Variants in RPS6KA1 observed in about 807,000 individuals in gnomAD.
RPS6KA1 encodes the protein ribosomal protein S6 kinase alpha-1.
RPS6KA1 carries 48 observed loss-of-function variants against 91.3 expected under a neutral mutation model. The ratio of observed to expected loss-of-function variants is 0.53; its 90% confidence interval spans 0.42 to 0.67. The LOEUF (loss-of-function observed/expected upper bound fraction) is 0.67, where lower values mean the gene tolerates loss of function less well. Ranked by LOEUF, RPS6KA1 falls within the 30% of genes least tolerant of loss-of-function variation. RPS6KA1 has a pLI of 0.00. For synonymous variants in RPS6KA1, 359 were observed against 384.7 expected, an observed-to-expected ratio of 0.93 and a Z score of 0.78; for missense variants, 719 against 960.5, an observed-to-expected ratio of 0.75 and a Z score of 3.32.
chr1:26,557,556 G>A (rs563000125), intron 13 of RPS6KA1, among the ~76,000 whole-genome samples: 12 of 152,212 alleles, frequency 7.9e-5, no homozygotes, highest in East Asian at 5.8e-4. Flanking sequence ...CCCGGCCTCC[G>A]TGTACTTATC....
Position 26,551,171 on chromosome 1 carries a change from C to G in RPS6KA1, c.308-226C>G, listed in dbSNP as rs2076046222. Among the ~76,000 whole-genome samples, 3 of 152,082 alleles carry G rather than the reference C, an allele frequency of 2.0e-5. No individual in the cohort carries two copies. Among genetic ancestry groups the G allele is most frequent in the Admixed American group, 2.0e-4 (3 of 15,260 alleles). The stretch of plus-strand genomic sequence containing the variant: ...GATGGGCAGGGTGCCAAGGCCCCAG[C>G]TGTGGGCACTGCTGTGAGGGGTGGG... On this transcript the variant is annotated intron_variant, in intron 4 of 21. Coordinates refer to ENST00000374168, the MANE Select transcript of RPS6KA1 (RefSeq NM_002953.4). This position sits in a 1 kb window ranked among gnomAD's most constrained non-coding sequence, Gnocchi z 4.5.
In RPS6KA1 at chr1:26,547,922, CA is replaced by C. The variant is rs2076009925; in HGVS notation, c.307+653del. On this transcript the variant is annotated intron_variant, in intron 4 of 21. Coordinates refer to ENST00000374168, the MANE Select transcript of RPS6KA1 (RefSeq NM_002953.4). The surrounding 1 kb of genome is among the most constrained non-coding windows in gnomAD (Gnocchi z 4.1). ...CGGTGGCTCACACCTGTAATCCCAGCACTTTGGGAGGCTGAGGTGGGCGGGT... is the reference window on the plus strand; with the variant it reads ...CGGTGGCTCACACCTGTAATCCCAGCCTTTGGGAGGCTGAGGTGGGCGGGT... Among the ~76,000 whole-genome samples, 1 of 152,174 alleles carries C rather than the reference CA, an allele frequency of 6.6e-6. No individual in the cohort carries two copies. Among genetic ancestry groups the C allele is most frequent in the African/African-American group, 2.4e-5 (1 of 41,440 alleles).
intron 2 of RPS6KA1, among the ~76,000 whole-genome samples, chr1:26,537,812 T>C (rs57255816): frequency 0.049 from 7,394 of 152,278 alleles, 601 homozygotes; most frequent in African/African-American, 0.17. Flanking sequence ...TTCTCCCTTC[T>C]GAGTCTCAGT....
At chr1:26,553,533 A>C (rs775490188) in intron 7 of RPS6KA1, 36 bp downstream of exon 7, 1 of 1,385,450 alleles carries the variant, frequency 7.2e-7, no homozygotes, top group South Asian at 1.2e-5. Context: ...CAGCCTCCCC[A>C]GGGGAGGCCT....
chr1:26,545,520 CTCTT>C (rs987640792), intron 2 of RPS6KA1, among the ~76,000 whole-genome samples: 3 of 152,142 alleles, frequency 2.0e-5, no homozygotes, highest in Non-Finnish European at 4.4e-5. Flanking sequence ...TTGGGTGTCT[CTCTT>C]CGTCTGCCTC....
chr1:26,551,538 C>G lies in RPS6KA1; in HGVS notation c.388+61C>G, dbSNP rs2124636302. 6.2e-7 allele frequency: 1 copy of G among 1,603,038 alleles called. No individual in the cohort carries two copies. Among genetic ancestry groups the G allele is most frequent in the East Asian group, 2.2e-5 (1 of 44,822 alleles). ...CCCATCCTTCGCCCTTGCCTGTGGT[C>G]TGTACACTGTCCCACCGCCTGCCTG... is the stretch of plus-strand genomic sequence containing the variant. On this transcript the variant is annotated intron_variant, in intron 5 of 21. Coordinates refer to ENST00000374168, the MANE Select transcript of RPS6KA1 (RefSeq NM_002953.4). This position sits in a 1 kb window ranked among gnomAD's most constrained non-coding sequence, Gnocchi z 4.5.
chr1:26,570,263 T>C (rs192270656), intron 17 of RPS6KA1, among the ~76,000 whole-genome samples: 2 of 152,202 alleles, frequency 1.3e-5, no homozygotes, highest in Non-Finnish European at 2.9e-5. Context: ...GGCAGGAGGA[T>C]CACTTGAGCC....
intron 14 of RPS6KA1, among the ~76,000 whole-genome samples, chr1:26,559,640 A>G (rs1054033168): frequency 1.3e-5 from 2 of 150,262 alleles, no homozygotes; most frequent in Admixed American, 1.3e-4. Context: ...TCAGCCTCCC[A>G]AGGTGCTGAG....
intron 2 of RPS6KA1, among the ~76,000 whole-genome samples, chr1:26,539,245 A>G (rs2075928827): frequency 6.6e-6 from 1 of 152,208 alleles, no homozygotes; most frequent in Admixed American, 6.5e-5. Context: ...ATCTGAGTTC[A>G]GGGCTGAGTG....
chr1:26,531,192 A>T (rs1195563269), intron 1 of RPS6KA1: 1 of 157,146 alleles, frequency 6.4e-6, no homozygotes, highest in Non-Finnish European at 1.4e-5. Flanking sequence ...GGATTAGGTA[A>T]CCAACCTGAA....
At position 26,540,052 on chromosome 1, in the gene RPS6KA1, T is replaced by C. The variant is rs1255372280; in HGVS notation, c.108+3083T>C. Among the ~76,000 whole-genome samples, 1 of 152,216 alleles carries C rather than the reference T, an allele frequency of 6.6e-6. No homozygotes were observed. The highest frequency in any genetic ancestry group is 1.9e-4 in the East Asian group (1 of 5,204). On this transcript the variant is annotated intron_variant, in intron 2 of 21. Transcript: ENST00000374168. This position sits in a 1 kb window ranked among gnomAD's most constrained non-coding sequence, Gnocchi z 4.2. ...CCTCAGGTGTTGGGAGGAACTTCCC[T>C]TGGCCTGGTCAGAGAAGGCCAGCCA... is the stretch of plus-strand genomic sequence containing the variant.
In RPS6KA1 at chr1:26,555,560, T is replaced by C. The variant is rs1048155641; in HGVS notation, c.851T>C (p.Phe284Ser). ...AGGGCGAAGCTAGGCATGCCCCAGT[T>C]TCTGAGCACTGAAGCCCAGAGCCTC... Reference protein sequence around the residue: ...ILKAKLGMPQFLSTEAQSLLR... With the variant: ...ILKAKLGMPQSLSTEAQSLLR... The change falls in exon 11 of 22, where the codon TTT (phenylalanine) becomes TCT (serine). Residue 284 changes from phenylalanine (F) to serine (S), a missense_variant. By Grantham distance (155) the Phe-to-Ser change is radical (BLOSUM62 -2). This residue lies in a region of RPS6KA1 where 228 missense variants were observed against 247.6 expected (regional missense o/e 0.92). Transcript: ENST00000374168. This position sits in a 1 kb window ranked among gnomAD's most constrained non-coding sequence, Gnocchi z 4.3. 6.3e-7 allele frequency: 1 copy of C among 1,599,324 alleles called. No individual in the cohort carries two copies. The highest frequency in any genetic ancestry group is 8.5e-7 in the Non-Finnish European group (1 of 1,172,230).
Position 26,561,654 on chromosome 1 carries a change from C to G in RPS6KA1, c.1581C>G (p.His527Gln). The change falls in exon 17 of 22, where the codon CAC becomes CAG. Residue 527 changes from histidine (H) to glutamine (Q), a missense_variant. Transcript: ENST00000374168. This position sits in a 1 kb window ranked among gnomAD's most constrained non-coding sequence, Gnocchi z 5.7. Reference sequence around the variant, plus strand: ...TTGGCAAAACTGTGGAGTATCTGCACTCACAGGGGGTGAGTCTGGATTCGG... The same window carrying G: ...TTGGCAAAACTGTGGAGTATCTGCAGTCACAGGGGGTGAGTCTGGATTCGG... ...HTIGKTVEYL[H>Q]SQGVVHRDLK... The G allele has an allele frequency of 6.2e-7, 1 of 1,605,720 alleles. No homozygotes were observed. Among genetic ancestry groups the G allele is most frequent in the Non-Finnish European group, 8.5e-7 (1 of 1,175,220 alleles).
In RPS6KA1 at chr1:26,536,896, G is replaced by C. The variant is rs373377281; in HGVS notation, c.64-29G>C. The C allele has an allele frequency of 1.4e-5, 22 of 1,613,416 alleles. No homozygotes were observed. In the East Asian group the frequency reaches 2.0e-4, roughly 15 times the overall value. ...TCCCAAGCGTGTAAGTTCTGACAGT[G>C]CTCCCCCAATCTCCTTTCTCTTTTC... On this transcript the variant is annotated intron_variant, in intron 1 of 21. Coordinates refer to ENST00000374168, the MANE Select transcript of RPS6KA1 (RefSeq NM_002953.4).
Position 26,555,291 on chromosome 1 carries a change from A to G in RPS6KA1, c.827+70A>G. Reference sequence around the variant, plus strand: ...CCAGCCCCAGTTTGGGGGTCAGAATATTATTACCCTGTCCCTGCCTCAGCT... The same window carrying G: ...CCAGCCCCAGTTTGGGGGTCAGAATGTTATTACCCTGTCCCTGCCTCAGCT... On this transcript the variant is annotated intron_variant, in intron 10 of 21. Transcript: ENST00000374168. This position sits in a 1 kb window ranked among gnomAD's most constrained non-coding sequence, Gnocchi z 4.3. The G allele has an allele frequency of 1.4e-6, 2 of 1,465,864 alleles. No individual in the cohort carries two copies. The highest frequency in any genetic ancestry group is 1.9e-6 in the Non-Finnish European group (2 of 1,049,932). 90.8% of individuals were successfully genotyped at this position (1,465,864 alleles called of 1,614,324 possible).
intron 17 of RPS6KA1, among the ~76,000 whole-genome samples, chr1:26,570,186 A>G (rs970442512): frequency 2.0e-4 from 30 of 152,244 alleles, no homozygotes; most frequent in African/African-American, 6.5e-4. Flanking sequence ...AGGATTGACT[A>G]TGAATGGAAC....
chr1:26,542,985 G>T (rs2075960298), intron 2 of RPS6KA1: 1 of 630,048 alleles, frequency 1.6e-6, no homozygotes, highest in Non-Finnish European at 2.7e-6. Context: ...TGGGCTTGGG[G>T]TCTGCAGTGT....
intron 14 of RPS6KA1, 33 bp from the exon 15 acceptor site, chr1:26,560,693 C>T: frequency 6.2e-7 from 1 of 1,613,814 alleles, no homozygotes; most frequent in Non-Finnish European, 8.5e-7. Context: ...ACTCTAGAGC[C>T]AGGGGTCAGC....
chr1:26,573,810 C>T (rs370195082), intron 21 of RPS6KA1, among the ~76,000 whole-genome samples: 11 of 152,112 alleles, frequency 7.2e-5, no homozygotes, highest in Middle Eastern at 3.4e-3. Context: ...TGGTGGCAAG[C>T]GCCTGTAATC....
Sources: gnomAD v4.1 joint callset for allele counts (sites outside exome capture counted in the v4.1 genomes callset) on GRCh38, gnomAD v4.1.1 for gene constraint, gnomAD v4.1.1 regional missense constraint, Gnocchi (gnomAD v3.1) non-coding constraint, MANE v1.5 for transcripts, NCBI Gene and HGNC (gene_info 2026-07-23, HGNC 2026-07-21) for gene names.